Variants in CTNNA3 observed in about 807,000 individuals in gnomAD.
The protein encoded by CTNNA3 is catenin alpha-3.
Under a neutral mutation model 95.7 loss-of-function variants are expected in CTNNA3, and 76 were observed. The observed-to-expected ratio is 0.79, with a 90% CI of 0.66 to 0.96. The LOEUF (loss-of-function observed/expected upper bound fraction) is 0.96. Ranked by LOEUF, CTNNA3 falls within the 40% of genes least tolerant of loss-of-function variation. The probability of loss-of-function intolerance (pLI) is 0.00; values close to 1 mark genes in which losing one functional copy is unlikely to be tolerated. For synonymous variants in CTNNA3, 431 were observed against 374.4 expected, an observed-to-expected ratio of 1.15 and a Z score of -1.74; for missense variants, 1,191 against 1,089.8, an observed-to-expected ratio of 1.09 and a Z score of -1.31.
chr10:66,813,450 A>G (rs1841960909), intron 7 of CTNNA3, among the ~76,000 whole-genome samples: 2 of 152,160 alleles, frequency 1.3e-5, no homozygotes. Context: ...TTTCCACTAG[A>G]GTTAGGAAAG....
chr10:67,106,786 A>G (rs1344317885), intron 7 of CTNNA3, among the ~76,000 whole-genome samples: 1 of 152,224 alleles, frequency 6.6e-6, no homozygotes, highest in Non-Finnish European at 1.5e-5. Flanking sequence ...ATTTAAGGCT[A>G]TCACTGAAGA....
intron 7 of CTNNA3, among the ~76,000 whole-genome samples, chr10:66,872,388 G>A (rs1844444206): frequency 1.3e-5 from 2 of 152,012 alleles, no homozygotes; most frequent in Admixed American, 6.6e-5. Context: ...AATAATTTTC[G>A]CTGGGTTCAG....
intron 9 of CTNNA3, among the ~76,000 whole-genome samples, chr10:66,725,667 A>G (rs1305881240): frequency 6.6e-6 from 1 of 152,098 alleles, no homozygotes; most frequent in African/African-American, 2.4e-5. Flanking sequence ...TCACCATGGC[A>G]GATATGAAGA....
At chr10:67,042,505 A>G (rs998653122) in intron 7 of CTNNA3, among the ~76,000 whole-genome samples, 1 of 152,018 alleles carries the variant, frequency 6.6e-6, no homozygotes, top group Non-Finnish European at 1.5e-5. Flanking sequence ...TTGGAGTCAT[A>G]TATGTATAAG....
intron 8 of CTNNA3, among the ~76,000 whole-genome samples, chr10:66,774,924 A>C (rs937390365): frequency 6.6e-6 from 1 of 152,328 alleles, no homozygotes; most frequent in South Asian, 2.1e-4. Flanking sequence ...CTTTTACAAA[A>C]ACTAATTTTT....
intron 5 of CTNNA3, among the ~76,000 whole-genome samples, chr10:67,291,318 A>G (rs1385795008): frequency 6.6e-6 from 1 of 152,182 alleles, no homozygotes; most frequent in Non-Finnish European, 1.5e-5. Flanking sequence ...AGTGTGATCT[A>G]TGGTACATGG....
intron 11 of CTNNA3, among the ~76,000 whole-genome samples, chr10:66,507,325 C>T (rs1840485044): frequency 6.6e-6 from 1 of 152,056 alleles, no homozygotes; most frequent in Admixed American, 6.6e-5. Flanking sequence ...ACATTCATCA[C>T]CTCAAGTCAT....
chr10:66,105,781 G>A (rs1388976846), intron 13 of CTNNA3, among the ~76,000 whole-genome samples: 3 of 152,190 alleles, frequency 2.0e-5, no homozygotes, highest in Non-Finnish European at 2.9e-5. Context: ...CTTGCTGGCA[G>A]CATTTCACAT....
At chr10:66,525,792 A>C (rs1369365354) in intron 10 of CTNNA3, among the ~76,000 whole-genome samples, 1 of 152,182 alleles carries the variant, frequency 6.6e-6, no homozygotes, top group Non-Finnish European at 1.5e-5. Context: ...TGTACTCATT[A>C]AACAATAGCT....
chr10:66,509,229 T>C (rs1196617597), intron 11 of CTNNA3, among the ~76,000 whole-genome samples: 6 of 152,038 alleles, frequency 3.9e-5, no homozygotes, highest in Non-Finnish European at 5.9e-5. Flanking sequence ...CATTTTTAAA[T>C]TAGATTATTG....
intron 12 of CTNNA3, among the ~76,000 whole-genome samples, chr10:66,369,050 G>A (rs2092733681): frequency 1.3e-5 from 2 of 152,122 alleles, no homozygotes; most frequent in South Asian, 4.1e-4. Flanking sequence ...TTGGCAGACA[G>A]TAAAATTAAA....
intron 7 of CTNNA3, among the ~76,000 whole-genome samples, chr10:67,007,397 T>C (rs1448152521): frequency 6.8e-6 from 1 of 147,814 alleles, no homozygotes; most frequent in Non-Finnish European, 1.5e-5. Flanking sequence ...GGCTTCAATC[T>C]GACTTTTTTT....
chr10:66,884,492 C>A (rs1844968215), intron 7 of CTNNA3, among the ~76,000 whole-genome samples: 1 of 152,018 alleles, frequency 6.6e-6, no homozygotes, highest in African/African-American at 2.4e-5. Flanking sequence ...ATGGGGAGAC[C>A]CATGTGACAA....
At chr10:66,067,570 C>T (rs112163695) in intron 15 of CTNNA3, among the ~76,000 whole-genome samples, 78 of 152,206 alleles carry the variant, frequency 5.1e-4, no homozygotes, top group African/African-American at 1.8e-3. Context: ...TATTAATCTG[C>T]CTTTTGTGAG....
At chr10:67,359,754 G>A (rs1842932391) in intron 5 of CTNNA3, among the ~76,000 whole-genome samples, 1 of 152,086 alleles carries the variant, frequency 6.6e-6, no homozygotes, top group African/African-American at 2.4e-5. Context: ...TGAGAGAGGA[G>A]AGTAAGAAAC....
chr10:66,027,095 A>T (rs1205246601), intron 15 of CTNNA3, among the ~76,000 whole-genome samples: 1 of 152,102 alleles, frequency 6.6e-6, no homozygotes, highest in East Asian at 1.9e-4. Flanking sequence ...TTCATAAGGT[A>T]TTATAAAGAA....
intron 7 of CTNNA3, among the ~76,000 whole-genome samples, chr10:66,995,498 C>T (rs9971106): frequency 0.024 from 3,651 of 152,266 alleles, 154 homozygotes; most frequent in African/African-American, 0.084. Flanking sequence ...CTTTTTAAAA[C>T]ACGAAGCAGA....
chr10:67,145,439 T>A (rs1254640858), intron 7 of CTNNA3, among the ~76,000 whole-genome samples: 1 of 146,966 alleles, frequency 6.8e-6, no homozygotes, highest in Admixed American at 6.7e-5. Flanking sequence ...TTTTTTAGTT[T>A]TTTTTTTTTT....
chr10:66,452,308 T>C (rs1166354303), intron 11 of CTNNA3, among the ~76,000 whole-genome samples: 2 of 152,210 alleles, frequency 1.3e-5, no homozygotes, highest in Admixed American at 6.5e-5. Flanking sequence ...AACCTAGTAA[T>C]GATAATAAAT....
Sources: gnomAD v4.1 joint callset for allele counts (sites outside exome capture counted in the v4.1 genomes callset) on GRCh38, gnomAD v4.1.1 for gene constraint, MANE v1.5 for transcripts, NCBI Gene and HGNC (gene_info 2026-07-23, HGNC 2026-07-21) for gene names.